CWC27: variants seen among roughly 807,000 people sequenced by gnomAD.
CWC27 encodes the protein CWC27 spliceosome associated cyclophilin.
CWC27 carries 47 observed loss-of-function variants against 63.6 expected under a neutral mutation model. That is an observed-to-expected ratio of 0.74 (90% CI 0.58 to 0.94). CWC27 has a LOEUF of 0.94. CWC27 is among the 40% of genes least tolerant of loss of function. CWC27 has a pLI of 0.00. For synonymous variants in CWC27, 175 were observed against 179.8 expected, an observed-to-expected ratio of 0.97 and a Z score of 0.22; for missense variants, 495 against 554.3, an observed-to-expected ratio of 0.89 and a Z score of 1.07.
At chr5:64,842,492 C>T (rs1052038180) in intron 10 of CWC27, among the ~76,000 whole-genome samples, 3 of 151,992 alleles carry the variant, frequency 2.0e-5, no homozygotes, top group East Asian at 1.9e-4. Flanking sequence ...TTAGTAGAGA[C>T]GAGATTTCAC....
intron 2 of CWC27, among the ~76,000 whole-genome samples, chr5:64,776,064 G>GGA (rs1468343872): frequency 1.2e-5 from 1 of 85,386 alleles, no homozygotes; most frequent in African/African-American, 5.1e-5. Flanking sequence ...GGGGAGGAGT[G>GGA]GAGCGAGAGA....
chr5:64,908,392 C>G (rs1026187528), intron 11 of CWC27, among the ~76,000 whole-genome samples: 3 of 152,298 alleles, frequency 2.0e-5, no homozygotes, highest in African/African-American at 7.2e-5. Context: ...CTGTAGATAT[C>G]TATTAGGTCC....
At chr5:64,901,391 G>A (rs1747506979) in intron 11 of CWC27, among the ~76,000 whole-genome samples, 1 of 150,332 alleles carries the variant, frequency 6.7e-6, no homozygotes, top group African/African-American at 2.5e-5. Flanking sequence ...CCGGGAGGTG[G>A]AACTTGCAGT....
chr5:64,883,156 A>T (rs777035821), intron 10 of CWC27, among the ~76,000 whole-genome samples: 1 of 152,168 alleles, frequency 6.6e-6, no homozygotes. Flanking sequence ...ATCAGATCTC[A>T]TGAGAACTCA....
At chr5:64,878,470 TAAAAAA>T (rs397998002) in intron 10 of CWC27, among the ~76,000 whole-genome samples, 51 of 26,934 alleles carry the variant, frequency 1.9e-3, no homozygotes, top group African/African-American at 5.6e-3. Flanking sequence ...GGTTACAGAT[TAAAAAA>T]AAAAAAAAAA....
chr5:65,013,520 T>C (rs1430095541), intron 13 of CWC27, among the ~76,000 whole-genome samples: 2 of 152,038 alleles, frequency 1.3e-5, no homozygotes, highest in African/African-American at 2.4e-5. Flanking sequence ...AATTACAAAA[T>C]GGGGAGAATT....
intron 11 of CWC27, among the ~76,000 whole-genome samples, chr5:64,929,930 C>T (rs368370333): frequency 3.3e-5 from 5 of 150,986 alleles, no homozygotes; most frequent in Admixed American, 6.6e-5. Flanking sequence ...CAAATATTCA[C>T]AGCAGCATTA....
chr5:64,989,705 G>A (rs1299794706), intron 13 of CWC27, among the ~76,000 whole-genome samples: 1 of 152,206 alleles, frequency 6.6e-6, no homozygotes, highest in Non-Finnish European at 1.5e-5. Flanking sequence ...TCTTGTGGGT[G>A]CTGTTTGGTT....
chr5:64,982,660 A>G (rs1323554498), intron 13 of CWC27, among the ~76,000 whole-genome samples: 1 of 152,150 alleles, frequency 6.6e-6, no homozygotes, highest in African/African-American at 2.4e-5. Flanking sequence ...ATAGATGAAC[A>G]CAAATACAGC....
intron 10 of CWC27, among the ~76,000 whole-genome samples, chr5:64,827,054 A>G (rs1439373203): frequency 6.6e-6 from 1 of 152,192 alleles, no homozygotes; most frequent in Admixed American, 6.5e-5. Context: ...TTTCTTTTAA[A>G]CAAGCGCATT....
chr5:64,923,221 A>C (rs1379529235), intron 11 of CWC27, among the ~76,000 whole-genome samples: 1 of 152,162 alleles, frequency 6.6e-6, no homozygotes, highest in Non-Finnish European at 1.5e-5. Flanking sequence ...CTATTGTGGT[A>C]GTCACTGGCG....
At chr5:64,879,502 G>A (rs1471288572) in intron 10 of CWC27, among the ~76,000 whole-genome samples, 2 of 151,882 alleles carry the variant, frequency 1.3e-5, no homozygotes, top group Admixed American at 1.3e-4. Flanking sequence ...AGTGGAAGCA[G>A]AGAAAGAATA....
At chr5:64,939,382 A>C (rs1748424040) in intron 11 of CWC27, among the ~76,000 whole-genome samples, 1 of 152,210 alleles carries the variant, frequency 6.6e-6, no homozygotes, top group South Asian at 2.1e-4. Context: ...CCTCTGCTGC[A>C]GGTCTGCACG....
At chr5:64,952,985 G>A (rs1161018761) in intron 11 of CWC27, among the ~76,000 whole-genome samples, 2 of 152,124 alleles carry the variant, frequency 1.3e-5, no homozygotes, top group East Asian at 3.8e-4. Context: ...CCATGGAGAA[G>A]TCCCTTGTAC....
At chr5:64,891,827 C>A (rs989994871) in intron 11 of CWC27, among the ~76,000 whole-genome samples, 2 of 142,664 alleles carry the variant, frequency 1.4e-5, no homozygotes, top group African/African-American at 5.1e-5. Context: ...CAGAGTCTCT[C>A]TCTGTCTCCC....
chr5:64,797,905 A>G (rs1267219915), intron 7 of CWC27, among the ~76,000 whole-genome samples: 2 of 152,294 alleles, frequency 1.3e-5, no homozygotes, highest in East Asian at 1.9e-4. Flanking sequence ...TGCTTTTGCT[A>G]TTTATTAGTG....
At chr5:64,893,903 G>A (rs1747303125) in intron 11 of CWC27, among the ~76,000 whole-genome samples, 1 of 150,116 alleles carries the variant, frequency 6.7e-6, no homozygotes, top group South Asian at 2.1e-4. Flanking sequence ...TCACAGTCCT[G>A]AAGGGATCAT....
chr5:65,018,062 A>G, intron 13 of CWC27, 97 bp from the exon 14 acceptor site: 2 of 1,112,874 alleles, frequency 1.8e-6, no homozygotes, highest in Admixed American at 2.8e-5. Context: ...GGTGTTCTGT[A>G]TGCTTATGTT....
intron 13 of CWC27, among the ~76,000 whole-genome samples, chr5:64,996,064 A>C (rs1011549267): frequency 6.6e-5 from 10 of 152,212 alleles, no homozygotes. Flanking sequence ...GAAATCTAGC[A>C]TGCTTGATTG....
Sources: gnomAD v4.1 joint callset for allele counts (sites outside exome capture counted in the v4.1 genomes callset) on GRCh38, gnomAD v4.1.1 for gene constraint, MANE v1.5 for transcripts, NCBI Gene and HGNC (gene_info 2026-07-23, HGNC 2026-07-21) for gene names.